NCKAP1: variants seen among roughly 807,000 people sequenced by gnomAD.
NCKAP1 encodes NCK associated protein 1, also known as nck-associated protein 1.
Under a neutral mutation model 151.2 loss-of-function variants are expected in NCKAP1, and 21 were observed. The observed-to-expected ratio is 0.14, with a 90% CI of 0.10 to 0.20. NCKAP1 has a LOEUF of 0.20. Ranked by LOEUF, NCKAP1 falls within the 10% of genes least tolerant of loss-of-function variation. The probability of loss-of-function intolerance (pLI) is 1.00; values close to 1 mark genes in which losing one functional copy is unlikely to be tolerated. For synonymous variants in NCKAP1, 484 were observed against 451.8 expected, an observed-to-expected ratio of 1.07 and a Z score of -0.90; for missense variants, 933 against 1,352.1, an observed-to-expected ratio of 0.69 and a Z score of 4.86.
At chr2:183,006,319 G>A (rs1698471577) in intron 2 of NCKAP1, among the ~76,000 whole-genome samples, 1 of 152,198 alleles carries the variant, frequency 6.6e-6, no homozygotes, top group South Asian at 2.1e-4. Flanking sequence ...ATGTAGCAAT[G>A]CCTCACAGCC....
intron 10 of NCKAP1, among the ~76,000 whole-genome samples, chr2:182,984,168 C>A (rs1051927347): frequency 1.3e-5 from 2 of 151,716 alleles, no homozygotes; most frequent in African/African-American, 4.8e-5. Flanking sequence ...ATTAAATATA[C>A]AAAACTGAAT....
At chr2:182,953,037 T>C (rs1697245994) in intron 21 of NCKAP1, 76 bp downstream of exon 21, 1 of 1,486,562 alleles carries the variant, frequency 6.7e-7, no homozygotes, top group South Asian at 1.3e-5. Flanking sequence ...AAGTACTTAT[T>C]CACAAAAAAA....
chr2:182,955,547 T>C (rs1024384129), intron 20 of NCKAP1, among the ~76,000 whole-genome samples: 2 of 152,152 alleles, frequency 1.3e-5, no homozygotes, highest in Admixed American at 1.3e-4. Flanking sequence ...CTAATTAGAA[T>C]TGAGAATTCA....
chr2:182,912,040 G>A lies in NCKAP1; in HGVS notation c.*13662C>T, dbSNP rs1696403903. On this transcript the variant is annotated 3_prime_UTR_variant, in exon 31 of 31. Coordinates refer to ENST00000361354, the MANE Select transcript of NCKAP1 (RefSeq NM_013436.5). Reference sequence around the variant, plus strand: ...AGCCCTTGAAAGCTTATGTCCAGCTGAGTAGTTATATCAATCACATCATGA... The same window carrying A: ...AGCCCTTGAAAGCTTATGTCCAGCTAAGTAGTTATATCAATCACATCATGA... The A allele has an allele frequency of 1.3e-5, 2 of 152,146 alleles. No homozygotes were observed. The highest frequency in any genetic ancestry group is 3.9e-4 in the East Asian group (2 of 5,194). 9.4% of individuals were successfully genotyped at this position (152,146 alleles called of 1,614,324 possible). A position where few individuals can be genotyped will look rare whatever the true frequency, so the allele number is the denominator to read the frequency against.
Position 182,997,857 on chromosome 2 carries a change from G to A in NCKAP1, c.604-2019C>T, listed in dbSNP as rs551121406. On this transcript the variant is annotated intron_variant, in intron 6 of 30. Coordinates refer to ENST00000361354, the MANE Select transcript of NCKAP1 (RefSeq NM_013436.5). ...AATATCATCCTGGTACCAAAATCTC[G>A]CAAAAATACAACAACAAAAAAAGAA... is the stretch of plus-strand genomic sequence containing the variant. Among the ~76,000 whole-genome samples, 408 of 151,844 alleles carry A rather than the reference G, an allele frequency of 2.7e-3. 4 individuals are homozygous for A. Among genetic ancestry groups the A allele is most frequent in the African/African-American group, 9.3e-3 (384 of 41,434 alleles).
rs962780096 is a variant in NCKAP1 at position 183,035,283 on chromosome 2, TA to T, written c.108+2708del. On this transcript the variant is annotated intron_variant, in intron 1 of 30. Transcript: ENST00000361354. The stretch of plus-strand genomic sequence containing the variant: ...TCTCAAAATTTTTGACTGATGAAAT[TA>T]AAAAAAAAAAACATTCTTCAGTAAT... 2.2e-3 allele frequency among the ~76,000 whole-genome samples: 314 copies of T among 144,002 alleles called. 2 individuals are homozygous for T. The highest frequency in any genetic ancestry group is 7.8e-3 in the East Asian group (39 of 5,010). The allele number at this position is 144,002 out of a possible 152,430, so 94.5% of individuals were successfully genotyped here.
intron 12 of NCKAP1, 54 bp from the exon 13 acceptor site, chr2:182,981,430 G>T: frequency 7.5e-7 from 1 of 1,340,348 alleles, no homozygotes. Flanking sequence ...CATTATTAAA[G>T]AATATATTCG....
chr2:182,990,593 A>G (rs1698147764), intron 8 of NCKAP1, among the ~76,000 whole-genome samples: 1 of 152,036 alleles, frequency 6.6e-6, no homozygotes, highest in Admixed American at 6.6e-5. Context: ...AGGACGTAAG[A>G]CCTCATCTTT....
At chr2:182,951,636 C>CAAAAAAAAAAAAAAAA (rs11336221) in intron 23 of NCKAP1, among the ~76,000 whole-genome samples, 3 of 90,790 alleles carry the variant, frequency 3.3e-5, no homozygotes, top group Non-Finnish European at 6.3e-5. Flanking sequence ...GACTCCATCT[C>CAAAAAAAAAAAAAAAA]AAAAAAAAAA....
intron 23 of NCKAP1, among the ~76,000 whole-genome samples, chr2:182,943,172 T>A (rs535153067): frequency 6.6e-6 from 1 of 152,260 alleles, no homozygotes; most frequent in African/African-American, 2.4e-5. Context: ...CAAATACACA[T>A]ATCCATTGCT....
chr2:182,916,899 C>T lies in NCKAP1; in HGVS notation c.*8803G>A, dbSNP rs989691391. The T allele has an allele frequency of 8.6e-5, 13 of 151,974 alleles. No homozygotes were observed. Among genetic ancestry groups the T allele is most frequent in the Non-Finnish European group, 1.5e-4 (10 of 68,016 alleles). 9.4% of individuals were successfully genotyped at this position (151,974 alleles called of 1,614,324 possible). On this transcript the variant is annotated 3_prime_UTR_variant, in exon 31 of 31. Coordinates refer to ENST00000361354, the MANE Select transcript of NCKAP1 (RefSeq NM_013436.5). ...TCTTTCCCATTTAAGATAAAGACTC[C>T]GATCAGAGCTATAGAATAGACTAAC... is the stretch of plus-strand genomic sequence containing the variant.
At chr2:182,961,670 G>A (rs530930971) in intron 18 of NCKAP1, among the ~76,000 whole-genome samples, 68 of 152,050 alleles carry the variant, frequency 4.5e-4, no homozygotes, top group African/African-American at 1.5e-3. Flanking sequence ...CATGGCGTAT[G>A]TATACCTATG....
intron 2 of NCKAP1, among the ~76,000 whole-genome samples, chr2:183,005,376 C>T (rs1698450920): frequency 6.6e-6 from 1 of 152,112 alleles, no homozygotes; most frequent in East Asian, 1.9e-4. Flanking sequence ...TTACTATGAG[C>T]CTTAAATGGT....
chr2:183,036,667 A>C (rs188414880), intron 1 of NCKAP1, among the ~76,000 whole-genome samples: 52 of 152,322 alleles, frequency 3.4e-4, no homozygotes, highest in African/African-American at 1.2e-3. Context: ...GTTTAGAGTA[A>C]TAAAGCCTTG....
chr2:182,943,871 A>G (rs753421590), intron 23 of NCKAP1, among the ~76,000 whole-genome samples: 2 of 152,200 alleles, frequency 1.3e-5, no homozygotes, highest in Non-Finnish European at 2.9e-5. Flanking sequence ...GTGATATTCA[A>G]CAGTTAATTT....
intron 15 of NCKAP1, among the ~76,000 whole-genome samples, chr2:182,975,482 G>T (rs559834182): frequency 6.6e-6 from 1 of 152,108 alleles, no homozygotes; most frequent in Non-Finnish European, 1.5e-5. Flanking sequence ...TAAGCAGACC[G>T]CCAGAAAAGT....
At chr2:182,930,072 T>G (rs1270110007) in intron 27 of NCKAP1, among the ~76,000 whole-genome samples, 1 of 152,034 alleles carries the variant, frequency 6.6e-6, no homozygotes, top group Non-Finnish European at 1.5e-5. Context: ...CTCCTCCATC[T>G]TAAAAAAATC....
At chr2:183,018,633 T>C (rs1263676241) in intron 2 of NCKAP1, among the ~76,000 whole-genome samples, 1 of 152,176 alleles carries the variant, frequency 6.6e-6, no homozygotes, top group African/African-American at 2.4e-5. Context: ...ATAAGATATA[T>C]CTGAATAGTT....
Position 182,982,834 on chromosome 2 carries a change from C to A in NCKAP1, c.1195G>T (p.Asp399Tyr). Reference sequence around the variant, plus strand: ...TTGCTAACTTACTTATCTATAAAGTCGTCTGCACTCTTCTTTGGCATGTTA... The same window carrying A: ...TTGCTAACTTACTTATCTATAAAGTAGTCTGCACTCTTCTTTGGCATGTTA... ...ADNMPKKSADDFIDKHIAELI... is the reference protein window; with the variant it reads ...ADNMPKKSADYFIDKHIAELI... The change falls in exon 12 of 31, where the codon GAC (aspartate) becomes TAC (tyrosine). Residue 399 changes from aspartate to tyrosine, a missense_variant. By Grantham distance (160) the Asp-to-Tyr change is radical. Coordinates refer to ENST00000361354, the MANE Select transcript of NCKAP1 (RefSeq NM_013436.5). The A allele has an allele frequency of 6.2e-7, 1 of 1,604,602 alleles. No individual in the cohort carries two copies. The highest frequency in any genetic ancestry group is 1.7e-5 in the Admixed American group (1 of 58,722).
Sources: allele counts gnomAD v4.1 joint callset (sites outside exome capture counted in the v4.1 genomes callset), GRCh38; gene constraint gnomAD v4.1.1; transcripts MANE v1.5; gene names NCBI Gene and HGNC (gene_info 2026-07-23, HGNC 2026-07-21).